PBX1: variants seen among roughly 807,000 people sequenced by gnomAD.
The protein encoded by PBX1 is PBX homeobox 1, also known as pre-B-cell leukemia transcription factor 1.
In PBX1, 6 loss-of-function variants were observed where a neutral mutation model predicts 53.4. That is an observed-to-expected ratio of 0.11 (90% confidence interval 0.06 to 0.22). PBX1 has a LOEUF of 0.22. Ranked by LOEUF, PBX1 falls within the 10% of genes least tolerant of loss-of-function variation. PBX1 has a pLI of 1.00. For synonymous variants in PBX1, 204 were observed against 212.3 expected (o/e 0.96, Z 0.34); for missense variants, 251 against 551.4 (o/e 0.46, Z 5.46).
At chr1:164,864,289 C>T (rs1672166281) in intron 2 of PBX1, among the ~76,000 whole-genome samples, 1 of 152,090 alleles carries the variant, frequency 6.6e-6, no homozygotes, top group Admixed American at 6.5e-5. Flanking sequence ...CTTCAGCCTC[C>T]AGTGCCATTC....
At chr1:164,614,945 TTG>T (rs2101835620) in intron 2 of PBX1, among the ~76,000 whole-genome samples, 1 of 152,260 alleles carries the variant, frequency 6.6e-6, no homozygotes, top group Non-Finnish European at 1.5e-5. Flanking sequence ...GGCTAATTTT[TTG>T]TGTTTTTAAT....
intron 2 of PBX1, among the ~76,000 whole-genome samples, chr1:164,569,320 G>A (rs1653666252): frequency 6.6e-6 from 1 of 152,000 alleles, no homozygotes; most frequent in African/African-American, 2.4e-5. Flanking sequence ...GATCATAATG[G>A]TACTTATCTT....
downstream of PBX1, among the ~76,000 whole-genome samples, chr1:164,854,673 A>T (rs1671939381): frequency 6.6e-6 from 1 of 151,916 alleles, no homozygotes. Context: ...CACCTTGGGC[A>T]TGGTAGAGGT....
intron 2 of PBX1, among the ~76,000 whole-genome samples, chr1:164,600,466 C>T (rs1473340801): frequency 1.3e-5 from 2 of 152,090 alleles, no homozygotes; most frequent in African/African-American, 4.8e-5. Context: ...TCAGGCTGGT[C>T]TCGAACTCCT....
At chr1:164,740,226 G>A (rs1665530294) in intron 2 of PBX1, among the ~76,000 whole-genome samples, 1 of 152,192 alleles carries the variant, frequency 6.6e-6, no homozygotes, top group South Asian at 2.1e-4. Flanking sequence ...CAGCACCTTG[G>A]ATCTAGTTTC....
chr1:164,601,104 C>T (rs2101800207), intron 2 of PBX1, among the ~76,000 whole-genome samples: 1 of 151,572 alleles, frequency 6.6e-6, no homozygotes, highest in Non-Finnish European at 1.5e-5. Flanking sequence ...CCGGGCGTGG[C>T]GGTGGGCGCC....
At chr1:164,647,958 G>A (rs1213168358) in intron 2 of PBX1, among the ~76,000 whole-genome samples, 1 of 152,118 alleles carries the variant, frequency 6.6e-6, no homozygotes, top group African/African-American at 2.4e-5. Flanking sequence ...GGGACTACGG[G>A]CGCCCACCAC....
chr1:164,722,537 CAGA>C (rs1183125053), intron 2 of PBX1, among the ~76,000 whole-genome samples: 1 of 152,196 alleles, frequency 6.6e-6, no homozygotes, highest in Non-Finnish European at 1.5e-5. Context: ...TATTAATCCA[CAGA>C]AGACTCTGCA....
chr1:164,798,083 A>G (rs1396288525), intron 3 of PBX1, among the ~76,000 whole-genome samples: 1 of 152,182 alleles, frequency 6.6e-6, no homozygotes, highest in Non-Finnish European at 1.5e-5. Flanking sequence ...TAGTGAAAGG[A>G]TGTGCCCAAA....
chr1:164,626,193 G>A (rs1034514789), intron 2 of PBX1: 2 of 755,328 alleles, frequency 2.6e-6, no homozygotes, highest in African/African-American at 3.8e-5. Flanking sequence ...CATGACATGG[G>A]CTGCTGTTGA....
intron 2 of PBX1, among the ~76,000 whole-genome samples, chr1:164,632,707 A>C (rs999695569): frequency 6.6e-6 from 1 of 152,172 alleles, no homozygotes; most frequent in Non-Finnish European, 1.5e-5. Context: ...ATAATGATTA[A>C]TACACTAGGA....
At chr1:164,632,831 G>A (rs929971565) in intron 2 of PBX1, among the ~76,000 whole-genome samples, 6 of 152,076 alleles carry the variant, frequency 3.9e-5, no homozygotes, top group Admixed American at 6.5e-5. Context: ...CAGTAAACAC[G>A]GAGGCACAAA....
At chr1:164,603,929 A>T (rs6656149) in intron 2 of PBX1, among the ~76,000 whole-genome samples, 2,328 of 75,704 alleles carry the variant, frequency 0.031, 37 homozygotes, top group South Asian at 0.04. Context: ...ATGTCATTTC[A>T]TTTTTTTTTT....
intron 2 of PBX1, among the ~76,000 whole-genome samples, chr1:164,647,928 C>T (rs1428148959): frequency 6.6e-6 from 1 of 152,072 alleles, no homozygotes; most frequent in Admixed American, 6.5e-5. Context: ...CATTCTCCTG[C>T]CTCAGCCTCC....
chr1:164,804,178 G>A (rs1029676934), intron 4 of PBX1, among the ~76,000 whole-genome samples: 1 of 152,164 alleles, frequency 6.6e-6, no homozygotes, highest in African/African-American at 2.4e-5. Flanking sequence ...AATTATTGAA[G>A]CCTGTGCTCC....
chr1:164,737,491 GT>G (rs904404975), intron 2 of PBX1, among the ~76,000 whole-genome samples: 2 of 140,204 alleles, frequency 1.4e-5, no homozygotes, highest in Admixed American at 7.1e-5. Context: ...CTTTTTTTTT[GT>G]TTTTTTTTGA....
Position 164,727,725 on chromosome 1 carries a change from G to A in PBX1, c.266-64769G>A, listed in dbSNP as rs147833166. 4.8e-3 allele frequency among the ~76,000 whole-genome samples: 731 copies of A among 152,300 alleles called. 4 individuals are homozygous for A. Among genetic ancestry groups the A allele is most frequent in the Middle Eastern group, 0.02 (6 of 294 alleles). On this transcript the variant is annotated intron_variant, in intron 2 of 8. Transcript: ENST00000420696. ...AGGCTCTTCGCCATCGTTGGCTGCT[G>A]GAAATTTGGATACAGGTAAATGGTA...
intron 8 of PBX1, among the ~76,000 whole-genome samples, chr1:164,834,017 A>G (rs1670898831): frequency 8.4e-6 from 1 of 119,664 alleles, no homozygotes; most frequent in African/African-American, 3.5e-5. Context: ...GGATATGGGT[A>G]TATATATGTA....
chr1:164,802,732 T>A (rs1669141804), intron 4 of PBX1, among the ~76,000 whole-genome samples: 1 of 152,052 alleles, frequency 6.6e-6, no homozygotes, highest in Non-Finnish European at 1.5e-5. Flanking sequence ...GACTTAACTG[T>A]ACCACGGAAG....
Sources: allele counts gnomAD v4.1 joint callset (sites outside exome capture counted in the v4.1 genomes callset), GRCh38; gene constraint gnomAD v4.1.1; transcripts MANE v1.5; gene names NCBI Gene and HGNC (gene_info 2026-07-23, HGNC 2026-07-21).